The following POLB variants were observed in gnomAD, a reference collection of about 807,000 sequenced individuals.
POLB encodes the protein 5'-dRP lyase.
A neutral mutation model predicts 52.7 loss-of-function variants in POLB; 37 were observed. The observed-to-expected ratio is 0.70, with a 90% CI of 0.54 to 0.92. POLB has a LOEUF of 0.92. Ranked by LOEUF, POLB falls within the 40% of genes least tolerant of loss-of-function variation. The pLI, the probability that POLB is intolerant of heterozygous loss-of-function variation, is 0.00. For missense variants in POLB, 313 were observed against 400.8 expected, an observed-to-expected ratio of 0.78 and a Z score of 1.87; for synonymous variants, 138 against 131.3, an observed-to-expected ratio of 1.05 and a Z score of -0.35.
chr8:42,369,708 C>T (rs369328649), intron 12 of POLB, 141 bp from the exon 13 acceptor site: 3 of 579,114 alleles, frequency 5.2e-6, no homozygotes, highest in African/African-American at 1.9e-5. Flanking sequence ...AGCAGTCTAC[C>T]TCATGATAGT....
intron 11 of POLB, among the ~76,000 whole-genome samples, chr8:42,365,451 A>C (rs1823980602): frequency 6.6e-6 from 1 of 152,228 alleles, no homozygotes; most frequent in Admixed American, 6.5e-5. Context: ...AATTCACTCA[A>C]AATGAATGTG....
chr8:42,348,852 C>T (rs1344406106), intron 3 of POLB, among the ~76,000 whole-genome samples, 164 bp from the exon 4 acceptor site: 2 of 152,110 alleles, frequency 1.3e-5, no homozygotes, highest in Admixed American at 6.5e-5. Flanking sequence ...ATTCTGTCTT[C>T]GGGAGAATTT....
chr8:42,363,352 C>G (rs1300918433), intron 11 of POLB, among the ~76,000 whole-genome samples: 1 of 151,350 alleles, frequency 6.6e-6, no homozygotes, highest in Non-Finnish European at 1.5e-5. Context: ...CACGGTGAAA[C>G]TCCGTCTCTA....
intron 2 of POLB, chr8:42,339,746 T>C (rs867150527): frequency 7.9e-5 from 12 of 152,004 alleles, no homozygotes; most frequent in African/African-American, 2.9e-4. Flanking sequence ...TTTTCTTTTT[T>C]TTTTTGTAGA....
At chr8:42,342,719 G>A in intron 2 of POLB, 8 of 421,958 alleles carry the variant, frequency 1.9e-5, no homozygotes, top group Non-Finnish European at 3.1e-5. Context: ...TAGGGGCCAG[G>A]CACAGTGGCT....
chr8:42,355,488 A>T (rs1268150895), intron 6 of POLB, 28 bp from the exon 7 acceptor site: 1 of 1,313,692 alleles, frequency 7.6e-7, no homozygotes, highest in Non-Finnish European at 1.1e-6. Context: ...TTAAATTAAC[A>T]TGTCAACTTT....
chr8:42,371,694 A>C lies in POLB; in HGVS notation c.*37A>C. 1 of 1,182,588 alleles carries C rather than the reference A, an allele frequency of 8.5e-7. No individual in the cohort carries two copies. Among genetic ancestry groups the C allele is most frequent in the Non-Finnish European group, 1.3e-6 (1 of 787,548 alleles). 73.3% of individuals were successfully genotyped at this position (1,182,588 alleles called of 1,614,324 possible). A position where few individuals can be genotyped will look rare whatever the true frequency, so the allele number is the denominator to read the frequency against. ...TCCCTGGCAGACACAACCCAATAGG[A>C]GTCTTAATTTATTTCTTAACCTTTG... On this transcript the variant is annotated 3_prime_UTR_variant, in exon 14 of 14. Transcript: ENST00000265421.
chr8:42,346,674 G>T (rs1465982043), intron 3 of POLB, among the ~76,000 whole-genome samples: 1 of 152,096 alleles, frequency 6.6e-6, no homozygotes, highest in Non-Finnish European at 1.5e-5. Context: ...GATTACAAGT[G>T]TGAGCCACCA....
intron 6 of POLB, among the ~76,000 whole-genome samples, chr8:42,354,762 T>A (rs1017214110): frequency 2.6e-5 from 4 of 152,086 alleles, no homozygotes; most frequent in Admixed American, 6.6e-5. Context: ...CAGGCTGGTC[T>A]CGAACTCCTG....
At chr8:42,351,471 C>T (rs972139828) in intron 5 of POLB, among the ~76,000 whole-genome samples, 6 of 152,138 alleles carry the variant, frequency 3.9e-5, no homozygotes, top group East Asian at 1.9e-4. Context: ...TTCTGTTCAC[C>T]GCTCCTGCTT....
intron 11 of POLB, among the ~76,000 whole-genome samples, chr8:42,367,964 G>A (rs3136792): frequency 0.035 from 5,370 of 152,286 alleles, 113 homozygotes; most frequent in Non-Finnish European, 0.04. Flanking sequence ...CCGAGGAAAT[G>A]AAAGAGGTTT....
rs368600306 is a variant in POLB, at chr8:42,361,271, C to T, written c.551-24C>T. 1.6e-4 allele frequency: 253 copies of T among 1,566,106 alleles called. 1 individual carries two copies. In the South Asian group the frequency reaches 2.5e-3, roughly 15 times the overall value. ...ATTGATACATTTACATGGACAATCTCATATGTGTCTTCTGTCATCACAGGT... is the reference window on the plus strand; with the variant it reads ...ATTGATACATTTACATGGACAATCTTATATGTGTCTTCTGTCATCACAGGT... On this transcript the variant is annotated intron_variant, in intron 9 of 13. Coordinates refer to ENST00000265421, the MANE Select transcript of POLB (RefSeq NM_002690.3).
At chr8:42,362,797 C>A in intron 11 of POLB, 99 bp downstream of exon 11, 2 of 680,866 alleles carry the variant, frequency 2.9e-6, no homozygotes, top group South Asian at 3.5e-5. Flanking sequence ...GAATTACAGT[C>A]ACCAAATAGA....
At chr8:42,370,019 C>T (rs758870377) in intron 13 of POLB, 31 bp downstream of exon 13, 2 of 1,554,664 alleles carry the variant, frequency 1.3e-6, no homozygotes, top group Non-Finnish European at 8.9e-7. Context: ...TAGAGATCAT[C>T]TCTCATCTGG....
chr8:42,341,302 A>G (rs1316425847), intron 2 of POLB, among the ~76,000 whole-genome samples: 1 of 152,250 alleles, frequency 6.6e-6, no homozygotes, highest in Non-Finnish European at 1.5e-5. Context: ...TTTGCCTCAC[A>G]GTGCCAATGA....
At position 42,350,026 on chromosome 8, in the gene POLB, G is replaced by C; in HGVS notation, c.281G>C (p.Ser94Thr). 1.9e-6 allele frequency: 3 copies of C among 1,606,452 alleles called. No individual in the cohort carries two copies. The South Asian group carries it at 3.3e-5, about 18-fold the overall frequency. The change falls in exon 5 of 14, where the codon AGT becomes ACT. Residue 94 changes from serine (S) to threonine (T), a missense_variant. Physicochemically the swap from Ser to Thr is moderately conservative, Grantham distance 58. This residue lies in a region of POLB where 246 missense variants were observed against 297.6 expected (regional missense o/e 0.83). Transcript: ENST00000265421. ...TTAAAGATTCGGCAGGATGATACGAGTTCATCCATCAATTTCCTGACTCGA... is the reference window on the plus strand; with the variant it reads ...TTAAAGATTCGGCAGGATGATACGACTTCATCCATCAATTTCCTGACTCGA... ...KLEKIRQDDT[S>T]SSINFLTRVS...
At chr8:42,350,175 C>A in intron 5 of POLB, 110 bp downstream of exon 5, 1 of 766,922 alleles carries the variant, frequency 1.3e-6, no homozygotes, top group South Asian at 1.4e-5. Flanking sequence ...ACCTCTGTAC[C>A]TTAGCCATAC....
intron 6 of POLB, among the ~76,000 whole-genome samples, chr8:42,353,302 G>A (rs1025396704): frequency 6.0e-5 from 9 of 150,870 alleles, no homozygotes; most frequent in Admixed American, 2.0e-4. Flanking sequence ...TAATAGAGAC[G>A]GGGTTTCACT....
intron 11 of POLB, among the ~76,000 whole-genome samples, chr8:42,363,745 G>C (rs1823867094): frequency 6.6e-6 from 1 of 151,978 alleles, no homozygotes; most frequent in Non-Finnish European, 1.5e-5. Context: ...AAAGTCATCA[G>C]GGTCTGTGAT....
Sources: allele counts gnomAD v4.1 joint callset (sites outside exome capture counted in the v4.1 genomes callset), GRCh38; gene constraint gnomAD v4.1.1; regional missense constraint gnomAD v4.1.1; transcripts MANE v1.5; gene names NCBI Gene and HGNC (gene_info 2026-07-23, HGNC 2026-07-21).